TTC28: variants seen among roughly 807,000 people sequenced by gnomAD.
TTC28 encodes tetratricopeptide repeat domain 28, also known as tetratricopeptide repeat protein 28.
TTC28 carries 61 observed loss-of-function variants against 198.0 expected under a neutral mutation model. The observed-to-expected ratio is 0.31, with a 90% confidence interval of 0.25 to 0.38. The LOEUF (loss-of-function observed/expected upper bound fraction) is 0.38, where lower values mean the gene tolerates loss of function less well. TTC28 is among the 10% of genes least tolerant of loss of function. The pLI is 1.00. For synonymous variants in TTC28, 1,171 were observed against 1,297.8 expected (o/e 0.90, Z 2.10); for missense variants, 2,678 against 3,164.0 (o/e 0.85, Z 3.69).
intron 2 of TTC28, among the ~76,000 whole-genome samples, chr22:28,541,390 G>C: frequency 6.6e-6 from 1 of 152,176 alleles, no homozygotes; most frequent in South Asian, 2.1e-4. Context: ...GAGTTAGGAA[G>C]ACTAAAGCAG....
At position 28,581,327 on chromosome 22, in the gene TTC28, C is replaced by A. The variant is rs2050230817; in HGVS notation, c.381+48225G>T. 3.3e-5 allele frequency among the ~76,000 whole-genome samples: 5 copies of A among 152,162 alleles called. No homozygotes were observed. The South Asian group carries it at 1.0e-3, about 31-fold the overall frequency. ...CACAGTACCCGTAAAGCCGGAAGAA[C>A]CAACCTCTTTTCTTTATAAATTACC... On this transcript the variant is annotated intron_variant, in intron 2 of 22. Coordinates refer to ENST00000397906, the MANE Select transcript of TTC28 (RefSeq NM_001145418.2).
intron 2 of TTC28, among the ~76,000 whole-genome samples, chr22:28,353,086 C>T (rs547650272): frequency 6.6e-6 from 1 of 151,960 alleles, no homozygotes; most frequent in Non-Finnish European, 1.5e-5. Context: ...TAATGGAAAT[C>T]CCAAAACACA....
intron 2 of TTC28, among the ~76,000 whole-genome samples, chr22:28,458,836 A>T (rs1221344426): frequency 3.3e-5 from 5 of 151,428 alleles, no homozygotes; most frequent in Admixed American, 6.6e-5. Flanking sequence ...AGCCAAGATC[A>T]TGTCACTGCA....
rs560084242 is a variant in TTC28, at chr22:28,387,671, G to A, written c.382-81028C>T. Among the ~76,000 whole-genome samples, 19 of 152,208 alleles carry A rather than the reference G, an allele frequency of 1.2e-4. No individual in the cohort carries two copies. The South Asian group carries it at 2.7e-3, about 22-fold the overall frequency. ...TGAGAAGTGTCTGTTCATGTCCTTCGCCCACTTTTTGATGGGGTTGTTTGT... is the reference window on the plus strand; with the variant it reads ...TGAGAAGTGTCTGTTCATGTCCTTCACCCACTTTTTGATGGGGTTGTTTGT... On this transcript the variant is annotated intron_variant, in intron 2 of 22. Transcript: ENST00000397906.
chr22:28,593,187 T>C (rs1190267786), intron 2 of TTC28, among the ~76,000 whole-genome samples: 3 of 152,140 alleles, frequency 2.0e-5, no homozygotes, highest in Non-Finnish European at 4.4e-5. Context: ...CAGTGAGCTT[T>C]TGAGAACACT....
intron 5 of TTC28, among the ~76,000 whole-genome samples, chr22:28,205,231 G>T (rs912212723): frequency 6.6e-6 from 1 of 152,010 alleles, no homozygotes; most frequent in Non-Finnish European, 1.5e-5. Flanking sequence ...CAGAGACCGG[G>T]GGGAGAGAGG....
chr22:28,629,775 A>C lies in TTC28; in HGVS notation c.158T>G (p.Leu53Arg). 6.4e-7 allele frequency: 1 copy of C among 1,551,782 alleles called. No individual in the cohort carries two copies. Among genetic ancestry groups the C allele is most frequent in the Non-Finnish European group, 8.7e-7 (1 of 1,146,984 alleles). Reference sequence around the variant, plus strand: ...TTTCTCAACAAATTCAGCTTTGCTCAGTACCGGTCCATCAGGACTTCTCTG... The same window carrying C: ...TTTCTCAACAAATTCAGCTTTGCTCCGTACCGGTCCATCAGGACTTCTCTG... ...IGQRSPDGPV[L>R]SKAEFVEKVR... Residue 53 changes from leucine to arginine, a missense_variant, in exon 2 of 23, where the codon CTG becomes CGG. Physicochemically the swap from Leu to Arg is moderately radical, Grantham distance 102. Coordinates refer to ENST00000397906, the MANE Select transcript of TTC28 (RefSeq NM_001145418.2).
intron 5 of TTC28, among the ~76,000 whole-genome samples, chr22:28,164,479 A>G (rs1437040270): frequency 1.3e-5 from 2 of 152,174 alleles, no homozygotes; most frequent in Non-Finnish European, 2.9e-5. Context: ...CAGCATTTGC[A>G]GTTCACCAAT....
chr22:28,492,980 G>C (rs1347768473), intron 2 of TTC28, among the ~76,000 whole-genome samples: 1 of 147,306 alleles, frequency 6.8e-6, no homozygotes, highest in Non-Finnish European at 1.5e-5. Context: ...ATGGCCCAGA[G>C]ATTGAGCACT....
chr22:28,016,677 A>G (rs1292692826), intron 13 of TTC28, among the ~76,000 whole-genome samples: 1 of 152,228 alleles, frequency 6.6e-6, no homozygotes, highest in Non-Finnish European at 1.5e-5. Context: ...TGATGGGGAC[A>G]CTTCACAAAC....
chr22:28,297,587 C>G lies in TTC28; in HGVS notation c.795G>C (p.Lys265Asn), dbSNP rs780436967. The G allele has an allele frequency of 2.0e-5, 31 of 1,551,014 alleles. No individual in the cohort carries two copies. Among genetic ancestry groups the G allele is most frequent in the Non-Finnish European group, 2.6e-5 (30 of 1,146,612 alleles). ...AGAGAAGCATCACTCTACCTAAGGTCTTGGCTACATCCAAGTCCTGCTGCA... is the reference window on the plus strand; with the variant it reads ...AGAGAAGCATCACTCTACCTAAGGTGTTGGCTACATCCAAGTCCTGCTGCA... ...GYMQQDLDVA[K>N]TLGDQTGECR... Residue 265 changes from lysine (K) to asparagine (N), a missense_variant, in exon 4 of 23, where the codon AAG becomes AAC. Lys to Asn is a moderately conservative substitution (Grantham distance 94). Coordinates refer to ENST00000397906, the MANE Select transcript of TTC28 (RefSeq NM_001145418.2).
At chr22:28,474,964 T>C (rs1303992595) in intron 2 of TTC28, among the ~76,000 whole-genome samples, 1 of 151,494 alleles carries the variant, frequency 6.6e-6, no homozygotes, top group Non-Finnish European at 1.5e-5. Flanking sequence ...TCAAGGATAA[T>C]AAGAGAATCA....
chr22:28,398,501 T>C (rs922663893), intron 2 of TTC28, among the ~76,000 whole-genome samples: 1 of 152,230 alleles, frequency 6.6e-6, no homozygotes, highest in African/African-American at 2.4e-5. Flanking sequence ...TCCATTTCTG[T>C]GAGCCTCTCA....
chr22:28,587,231 C>T (rs939111835), intron 2 of TTC28, among the ~76,000 whole-genome samples: 7 of 152,140 alleles, frequency 4.6e-5, no homozygotes, highest in Non-Finnish European at 8.8e-5. Flanking sequence ...TGGTGGCACA[C>T]ATCTGTAATC....
chr22:28,521,140 C>T (rs992683311), intron 2 of TTC28, among the ~76,000 whole-genome samples: 1 of 151,840 alleles, frequency 6.6e-6, no homozygotes, highest in African/African-American at 2.4e-5. Context: ...TGGCTCATGC[C>T]TATAATCCAG....
chr22:28,084,674 G>A (rs149030505), intron 12 of TTC28, among the ~76,000 whole-genome samples: 2,674 of 151,442 alleles, frequency 0.018, 81 homozygotes, highest in African/African-American at 0.061. Flanking sequence ...TGACTTTGAC[G>A]AGTTGAGAGA....
At chr22:28,248,255 G>C (rs879727339) in intron 5 of TTC28, among the ~76,000 whole-genome samples, 3 of 152,122 alleles carry the variant, frequency 2.0e-5, no homozygotes, top group Non-Finnish European at 4.4e-5. Flanking sequence ...GAAAACTCCA[G>C]GAAACCTTAG....
chr22:28,598,875 A>G (rs60477954), intron 2 of TTC28, among the ~76,000 whole-genome samples: 2,986 of 152,316 alleles, frequency 0.02, 98 homozygotes, highest in African/African-American at 0.068. Flanking sequence ...CAAGACTATA[A>G]GTATAGTTAT....
At chr22:28,405,466 G>A (rs966812675) in intron 2 of TTC28, among the ~76,000 whole-genome samples, 3 of 152,190 alleles carry the variant, frequency 2.0e-5, no homozygotes, top group Non-Finnish European at 2.9e-5. Flanking sequence ...GCAGAAGGTA[G>A]AAAGCATGAC....
Sources: allele counts gnomAD v4.1 joint callset (sites outside exome capture counted in the v4.1 genomes callset), GRCh38; gene constraint gnomAD v4.1.1; transcripts MANE v1.5; gene names NCBI Gene and HGNC (gene_info 2026-07-23, HGNC 2026-07-21).